Variants in GFRA1 observed in about 807,000 individuals in gnomAD.
GFRA1 encodes the protein GDNF family receptor alpha 1.
Under a neutral mutation model 51.6 loss-of-function variants are expected in GFRA1, and 16 were observed. The observed-to-expected ratio is 0.31, with a 90% CI of 0.21 to 0.47. The LOEUF (loss-of-function observed/expected upper bound fraction) is 0.47, where lower values mean the gene tolerates loss of function less well. GFRA1 is among the 20% of genes least tolerant of loss of function. GFRA1 has a pLI of 1.00. For synonymous variants in GFRA1, 270 were observed against 241.3 expected, an observed-to-expected ratio of 1.12 and a Z score of -1.10; for missense variants, 530 against 594.3, an observed-to-expected ratio of 0.89 and a Z score of 1.13.
chr10:116,212,786 C>A (rs547265267), intron 4 of GFRA1, among the ~76,000 whole-genome samples: 1 of 152,144 alleles, frequency 6.6e-6, no homozygotes, highest in Non-Finnish European at 1.5e-5. Flanking sequence ...TTTCTCCACT[C>A]GAATGTTGCT....
chr10:116,110,030 C>T (rs1292648094), intron 6 of GFRA1, among the ~76,000 whole-genome samples: 1 of 152,172 alleles, frequency 6.6e-6, no homozygotes, highest in Non-Finnish European at 1.5e-5. Context: ...TGTTACCACA[C>T]TCAAGGTGCT....
At chr10:116,097,759 TTC>T (rs1279020870) in intron 6 of GFRA1, among the ~76,000 whole-genome samples, 1 of 152,236 alleles carries the variant, frequency 6.6e-6, no homozygotes, top group Non-Finnish European at 1.5e-5. Context: ...CTCAGTTCTC[TTC>T]TGTCTTTAGC....
rs1954814494 is a variant in GFRA1, at chr10:116,061,460, T to TG, written c.*2937_*2938insC. The TG allele has an allele frequency of 6.6e-6, 1 of 152,352 alleles. No individual in the cohort carries two copies. The highest frequency in any genetic ancestry group is 2.4e-5 in the African/African-American group (1 of 41,454). 9.4% of individuals were successfully genotyped at this position (152,352 alleles called of 1,614,324 possible). A position where few individuals can be genotyped will look rare whatever the true frequency, so the allele number is the denominator to read the frequency against. On this transcript the variant is annotated 3_prime_UTR_variant, in exon 11 of 11. Coordinates refer to ENST00000355422, the MANE Select transcript of GFRA1 (RefSeq NM_005264.8). ...TCCTTCATGTGCTCTATTAAAAAGATACTCAAGCATGTATCGGTCAAAAAT... is the reference window on the plus strand; with the variant it reads ...TCCTTCATGTGCTCTATTAAAAAGATGACTCAAGCATGTATCGGTCAAAAAT...
At chr10:116,072,513 G>A (rs1407321683) in intron 9 of GFRA1, among the ~76,000 whole-genome samples, 1 of 152,070 alleles carries the variant, frequency 6.6e-6, no homozygotes, top group Non-Finnish European at 1.5e-5. Flanking sequence ...TGTAATCCCA[G>A]CACTTTGGAA....
At chr10:116,127,033 T>C (rs139368798) in intron 5 of GFRA1, among the ~76,000 whole-genome samples, 7 of 151,456 alleles carry the variant, frequency 4.6e-5, no homozygotes, top group African/African-American at 7.3e-5. Context: ...ATAGGAGGAA[T>C]CTAAAATAGT....
chr10:116,246,526 T>C (rs1474244808), intron 4 of GFRA1, among the ~76,000 whole-genome samples: 1 of 152,032 alleles, frequency 6.6e-6, no homozygotes, highest in East Asian at 1.9e-4. Flanking sequence ...AACTGTTCTA[T>C]ACAACATAGG....
At chr10:116,145,196 A>G (rs1194896356) in intron 5 of GFRA1, among the ~76,000 whole-genome samples, 4 of 151,244 alleles carry the variant, frequency 2.6e-5, no homozygotes. Flanking sequence ...CAACAACAAC[A>G]ACAAAAAATT....
chr10:116,255,645 T>G, intron 4 of GFRA1: 1 of 1,288,764 alleles, frequency 7.8e-7, no homozygotes, highest in Non-Finnish European at 1.0e-6. Flanking sequence ...TGGAATCCAC[T>G]CCCCACATCC....
At chr10:116,161,960 T>C (rs986083907) in intron 5 of GFRA1, among the ~76,000 whole-genome samples, 5 of 152,244 alleles carry the variant, frequency 3.3e-5, no homozygotes, top group Non-Finnish European at 5.9e-5. Context: ...ATTTATAACA[T>C]TGAGAATTAT....
intron 5 of GFRA1, among the ~76,000 whole-genome samples, chr10:116,140,087 A>T (rs1309729706): frequency 1.3e-5 from 2 of 152,176 alleles, no homozygotes. Flanking sequence ...TAGCTAATGA[A>T]CTGACCCAAG....
chr10:116,131,020 C>A (rs983183721), intron 5 of GFRA1, among the ~76,000 whole-genome samples: 1 of 152,116 alleles, frequency 6.6e-6, no homozygotes, highest in Non-Finnish European at 1.5e-5. Flanking sequence ...ACAAAACATA[C>A]GTCTGACAAA....
At chr10:116,111,029 G>GTCC (rs1837179169) in intron 6 of GFRA1, among the ~76,000 whole-genome samples, 1 of 152,178 alleles carries the variant, frequency 6.6e-6, no homozygotes, top group South Asian at 2.1e-4. Flanking sequence ...ACTGAGGATA[G>GTCC]ACCCTGTCCA....
At chr10:116,161,520 C>A (rs764139126) in intron 5 of GFRA1, among the ~76,000 whole-genome samples, 3 of 152,128 alleles carry the variant, frequency 2.0e-5, no homozygotes, top group Non-Finnish European at 4.4e-5. Context: ...GTGTCCCCAC[C>A]CAAATTTCAC....
intron 6 of GFRA1, among the ~76,000 whole-genome samples, chr10:116,110,156 C>T (rs1957151799): frequency 6.6e-6 from 1 of 152,212 alleles, no homozygotes; most frequent in South Asian, 2.1e-4. Flanking sequence ...TTGGAATCCT[C>T]AGCCTGGGAA....
chr10:116,083,811 G>C (rs940030042), intron 9 of GFRA1, among the ~76,000 whole-genome samples: 1 of 152,186 alleles, frequency 6.6e-6, no homozygotes, highest in Non-Finnish European at 1.5e-5. Context: ...TGGGGAGAGG[G>C]TGGAAGGGAC....
At position 116,271,885 on chromosome 10, in the gene GFRA1, C is replaced by T. The variant is rs577191660; in HGVS notation, c.40+105G>A. 1.0e-5 allele frequency: 9 copies of T among 888,104 alleles called. No individual in the cohort carries two copies. In the East Asian group the frequency reaches 1.1e-4, roughly 10 times the overall value. The allele number at this position is 888,104 out of a possible 1,614,324, so 55.0% of individuals were successfully genotyped here. Reference sequence around the variant, plus strand: ...AAGACACTTCTTCCTTCCACATCCACCACACCCGCGCCCCAATTTTGGTGC... The same window carrying T: ...AAGACACTTCTTCCTTCCACATCCATCACACCCGCGCCCCAATTTTGGTGC... On this transcript the variant is annotated intron_variant, in intron 2 of 10. Coordinates refer to ENST00000355422, the MANE Select transcript of GFRA1 (RefSeq NM_005264.8).
In GFRA1 at chr10:116,057,998, G is replaced by A. The variant is rs1329579552; in HGVS notation, c.*6400C>T. ...ATATAGCCCTCCAATCATTGTGTGT[G>A]TGTGTGTGTGTGTGTGTGTGTGTGT... is the stretch of plus-strand genomic sequence containing the variant. On this transcript the variant is annotated 3_prime_UTR_variant, in exon 11 of 11. Transcript: ENST00000355422. 1.6e-5 allele frequency: 1 copy of A among 64,324 alleles called. No individual in the cohort carries two copies. The highest frequency in any genetic ancestry group is 2.9e-5 in the Non-Finnish European group (1 of 34,272). The allele number at this position is 64,324 out of a possible 1,614,324, so 4.0% of individuals were successfully genotyped here.
intron 4 of GFRA1, among the ~76,000 whole-genome samples, chr10:116,235,620 A>T (rs1966858942): frequency 6.6e-6 from 1 of 152,100 alleles, no homozygotes; most frequent in South Asian, 2.1e-4. Context: ...AAAGCTGACA[A>T]ATCCCCATCC....
chr10:116,183,443 G>T (rs556705691), intron 5 of GFRA1, among the ~76,000 whole-genome samples: 8 of 152,264 alleles, frequency 5.3e-5, no homozygotes, highest in Admixed American at 4.6e-4. Context: ...GGCTCACAGA[G>T]GTTCACTTCC....
Sources: gnomAD v4.1 joint callset for allele counts (sites outside exome capture counted in the v4.1 genomes callset) on GRCh38, gnomAD v4.1.1 for gene constraint, MANE v1.5 for transcripts, NCBI Gene and HGNC (gene_info 2026-07-23, HGNC 2026-07-21) for gene names.